Variants in CNIH3 observed in about 807,000 individuals in gnomAD.
CNIH3 encodes the protein cornichon family AMPA receptor auxiliary protein 3, also known as protein cornichon homolog 3.
A neutral mutation model predicts 24.1 loss-of-function variants in CNIH3; 14 were observed. The ratio of observed to expected loss-of-function variants is 0.58; its 90% CI spans 0.38 to 0.91. CNIH3 has a LOEUF of 0.91. Ranked by LOEUF, CNIH3 falls within the 40% of genes least tolerant of loss-of-function variation. The pLI, the probability that CNIH3 is intolerant of heterozygous loss-of-function variation, is 0.00. For synonymous variants in CNIH3, 68 were observed against 73.8 expected (o/e 0.92, Z 0.40); for missense variants, 178 against 196.8 (o/e 0.90, Z 0.57).
At chr1:224,528,964 G>A (rs1434772830) in intron 2 of CNIH3, among the ~76,000 whole-genome samples, 1 of 152,180 alleles carries the variant, frequency 6.6e-6, no homozygotes, top group Non-Finnish European at 1.5e-5. Context: ...GACAGCCCTT[G>A]CCCATGTGCT....
chr1:224,436,087 GAAGT>G (rs1453900575), intron 1 of CNIH3, among the ~76,000 whole-genome samples: 1 of 152,202 alleles, frequency 6.6e-6, no homozygotes, highest in Non-Finnish European at 1.5e-5. Context: ...CAGACAGGAA[GAAGT>G]AAGAGGAAGG....
chr1:224,459,179 C>A, intron 1 of CNIH3: 1 of 900,110 alleles, frequency 1.1e-6, no homozygotes, highest in South Asian at 5.8e-5. Flanking sequence ...TCCCCTCTTT[C>A]TTCCTTCTAC....
intron 1 of CNIH3, among the ~76,000 whole-genome samples, chr1:224,506,283 G>GCACGCACA (rs879719993): frequency 2.6e-5 from 2 of 77,932 alleles, no homozygotes; most frequent in African/African-American, 8.9e-5. Flanking sequence ...GCGCGCGCGC[G>GCACGCACA]CGCGCACACA....
At chr1:224,618,502 T>A (rs1683136478) in intron 1 of CNIH3, among the ~76,000 whole-genome samples, 2 of 152,100 alleles carry the variant, frequency 1.3e-5, no homozygotes, top group Non-Finnish European at 2.9e-5. Context: ...AGAGTGAGAG[T>A]TTGTCTTAAA....
upstream of CNIH3, among the ~76,000 whole-genome samples, chr1:224,512,829 C>T (rs1452819277): frequency 6.6e-6 from 1 of 152,074 alleles, no homozygotes; most frequent in African/African-American, 2.4e-5. Context: ...TATCTTCCCA[C>T]GTGTATAGGG....
intron 3 of CNIH3, among the ~76,000 whole-genome samples, chr1:224,712,519 A>G (rs1400822923): frequency 6.6e-6 from 1 of 152,222 alleles, no homozygotes; most frequent in Non-Finnish European, 1.5e-5. Flanking sequence ...CTCAACAAGT[A>G]TTTATTCAAT....
rs1201924858 is a variant in CNIH3, at chr1:224,522,051, T to C, written n.343+724T>C. Among the ~76,000 whole-genome samples the C allele has an allele frequency of 2.0e-5, 3 of 152,202 alleles. No homozygotes were observed. In the East Asian group the frequency reaches 5.8e-4, roughly 29 times the overall value. On this transcript the variant is annotated intron_variant and non_coding_transcript_variant, in intron 2 of 2. Transcript: ENST00000470602. ...TGCTCCGATAAAGCATATTAAATTG[T>C]TGCCTGTTCTCCCTTAGGACTCACA...
In CNIH3 at chr1:224,563,460, G is replaced by GT. The variant is rs1680456895; in HGVS notation, n.451-2739_451-2738insT. ...TACTACATTGAAATATTTTAGACGGGGTGTGTGTGTGTGTGTGTGTGTGTG... is the reference window on the plus strand; with the variant it reads ...TACTACATTGAAATATTTTAGACGGGTGTGTGTGTGTGTGTGTGTGTGTGTG... On this transcript the variant is annotated intron_variant and non_coding_transcript_variant, in intron 3 of 5. Coordinates refer to the CNIH3 transcript ENST00000471578. Among the ~76,000 whole-genome samples, 9 of 146,476 alleles carry GT rather than the reference G, an allele frequency of 6.1e-5. No homozygotes were observed. The South Asian group carries it at 8.9e-4, about 15-fold the overall frequency.
At chr1:224,689,776 A>C (rs1686840640) in intron 3 of CNIH3, among the ~76,000 whole-genome samples, 1 of 152,224 alleles carries the variant, frequency 6.6e-6, no homozygotes, top group South Asian at 2.1e-4. Flanking sequence ...TTTTAGCTCT[A>C]TAATTATCAG....
intron 1 of CNIH3, among the ~76,000 whole-genome samples, chr1:224,668,616 T>C (rs1685713586): frequency 6.6e-6 from 1 of 152,132 alleles, no homozygotes; most frequent in African/African-American, 2.4e-5. Context: ...CATGGACCCT[T>C]GAGGCCTAGG....
chr1:224,729,732 T>G (rs1458668148), intron 3 of CNIH3, among the ~76,000 whole-genome samples: 1 of 152,096 alleles, frequency 6.6e-6, no homozygotes, highest in Non-Finnish European at 1.5e-5. Context: ...TTTCAATGAT[T>G]TTAAGCTCCT....
At chr1:224,713,638 A>T (rs1377562803) in intron 3 of CNIH3, among the ~76,000 whole-genome samples, 2 of 152,174 alleles carry the variant, frequency 1.3e-5, no homozygotes, top group African/African-American at 4.8e-5. Context: ...GGGCTGAATA[A>T]ACATTAGCCA....
intron 1 of CNIH3, among the ~76,000 whole-genome samples, chr1:224,676,051 A>G (rs1256957096): frequency 6.6e-6 from 1 of 151,834 alleles, no homozygotes; most frequent in Non-Finnish European, 1.5e-5. Flanking sequence ...AGATGTTTAT[A>G]GCAGCTTTAT....
intron 2 of CNIH3, among the ~76,000 whole-genome samples, chr1:224,524,652 T>C (rs1217362040): frequency 2.0e-5 from 3 of 152,174 alleles, no homozygotes; most frequent in Non-Finnish European, 2.9e-5. Flanking sequence ...ATTACTGAAA[T>C]TGAACAAATG....
chr1:224,545,845 C>T (rs1679683399), intron 2 of CNIH3, among the ~76,000 whole-genome samples: 1 of 152,136 alleles, frequency 6.6e-6, no homozygotes, highest in African/African-American at 2.4e-5. Context: ...TAACACAATA[C>T]CACGGACTGG....
At chr1:224,582,261 A>G (rs1681307066) in intron 4 of CNIH3, among the ~76,000 whole-genome samples, 1 of 152,186 alleles carries the variant, frequency 6.6e-6, no homozygotes, top group Admixed American at 6.5e-5. Context: ...GTCCATAGGT[A>G]GCCACAGATG....
At chr1:224,486,154 G>A (rs980071398) in intron 1 of CNIH3, among the ~76,000 whole-genome samples, 1 of 152,152 alleles carries the variant, frequency 6.6e-6, no homozygotes, top group African/African-American at 2.4e-5. Flanking sequence ...TGCTCAGGCT[G>A]AAATGCAATG....
intron 1 of CNIH3, among the ~76,000 whole-genome samples, chr1:224,510,632 A>C (rs1379376122): frequency 2.0e-5 from 3 of 151,966 alleles, no homozygotes; most frequent in African/African-American, 7.3e-5. Context: ...AAAAAAAGAA[A>C]GAACTAGAAC....
chr1:224,729,429 A>AG (rs1208763635), intron 3 of CNIH3, among the ~76,000 whole-genome samples: 2 of 150,696 alleles, frequency 1.3e-5, no homozygotes, highest in East Asian at 3.9e-4. Context: ...AAAAAAAAAA[A>AG]AAAAAAGGTA....
Sources: gnomAD v4.1 joint callset for allele counts (sites outside exome capture counted in the v4.1 genomes callset) on GRCh38, gnomAD v4.1.1 for gene constraint, MANE v1.5 for transcripts, NCBI Gene and HGNC (gene_info 2026-07-23, HGNC 2026-07-21) for gene names.